Variants in STK39 observed in about 807,000 individuals in gnomAD.
The protein encoded by STK39 is STE20/SPS1-related proline-alanine-rich protein kinase.
A neutral mutation model predicts 77.8 loss-of-function variants in STK39; 20 were observed. That is an observed-to-expected ratio of 0.26 (90% CI 0.18 to 0.37). The LOEUF is 0.37. Ranked by LOEUF, STK39 falls within the 10% of genes least tolerant of loss-of-function variation. The probability of loss-of-function intolerance (pLI) is 1.00; values close to 1 mark genes in which losing one functional copy is unlikely to be tolerated. For missense variants in STK39, 479 were observed against 656.5 expected, an observed-to-expected ratio of 0.73 and a Z score of 2.95; for synonymous variants, 246 against 234.1, an observed-to-expected ratio of 1.05 and a Z score of -0.47.
intron 16 of STK39, among the ~76,000 whole-genome samples, chr2:167,988,039 G>C (rs1288653136): frequency 6.6e-6 from 1 of 152,144 alleles, no homozygotes; most frequent in Non-Finnish European, 1.5e-5. Flanking sequence ...CACACAGCTT[G>C]GGAGGGACAG....
chr2:167,986,189 A>G (rs933093457), intron 16 of STK39, among the ~76,000 whole-genome samples: 3 of 152,316 alleles, frequency 2.0e-5, no homozygotes, highest in Non-Finnish European at 2.9e-5. Context: ...CTTAATGCCA[A>G]CTACAATTGT....
intron 5 of STK39, among the ~76,000 whole-genome samples, chr2:168,158,705 C>T (rs1183025218): frequency 1.3e-5 from 2 of 152,224 alleles, no homozygotes; most frequent in Non-Finnish European, 2.9e-5. Flanking sequence ...GACTTCCCCA[C>T]TGTAATTTAG....
chr2:168,212,866 T>C (rs1317412102), intron 1 of STK39, among the ~76,000 whole-genome samples: 2 of 152,208 alleles, frequency 1.3e-5, no homozygotes, highest in Admixed American at 6.5e-5. Context: ...TATCTCTTTC[T>C]GGTCCTTTTT....
At chr2:168,032,036 T>C (rs943437838) in intron 14 of STK39, among the ~76,000 whole-genome samples, 10 of 152,304 alleles carry the variant, frequency 6.6e-5, no homozygotes, top group African/African-American at 2.4e-4. Flanking sequence ...TTGGCATAGA[T>C]ACCAGCCACC....
At chr2:168,039,686 A>C (rs1354476903) in intron 14 of STK39, among the ~76,000 whole-genome samples, 2 of 152,122 alleles carry the variant, frequency 1.3e-5, no homozygotes, top group Admixed American at 1.3e-4. Context: ...GGACACAAGG[A>C]AACTTCTCAG....
chr2:168,147,212 A>C (rs1688162199), intron 5 of STK39, among the ~76,000 whole-genome samples: 1 of 152,196 alleles, frequency 6.6e-6, no homozygotes, highest in Non-Finnish European at 1.5e-5. Context: ...ATGAAAACCT[A>C]TCTCTTTATA....
intron 10 of STK39, among the ~76,000 whole-genome samples, chr2:168,097,404 A>G (rs1158355077): frequency 6.6e-6 from 1 of 152,150 alleles, no homozygotes; most frequent in Non-Finnish European, 1.5e-5. Context: ...TGGCTCACTA[A>G]CTGGCCCATT....
Position 168,067,105 on chromosome 2 carries a change from C to T in STK39, c.1243-1724G>A, listed in dbSNP as rs111968587. On this transcript the variant is annotated intron_variant, in intron 12 of 17. Transcript: ENST00000355999. ...GGTGTGGTGGTTTGCGCCTGTAGTCCCAGCTACTTGAGAGGCTGAGGCGCA... is the reference window on the plus strand; with the variant it reads ...GGTGTGGTGGTTTGCGCCTGTAGTCTCAGCTACTTGAGAGGCTGAGGCGCA... Among the ~76,000 whole-genome samples, 614 of 152,242 alleles carry T rather than the reference C, an allele frequency of 4.0e-3. 4 individuals are homozygous for T. The highest frequency in any genetic ancestry group is 6.8e-3 in the Middle Eastern group (2 of 294).
chr2:167,970,393 T>C (rs1192439832), intron 16 of STK39, among the ~76,000 whole-genome samples: 1 of 152,192 alleles, frequency 6.6e-6, no homozygotes, highest in Non-Finnish European at 1.5e-5. Flanking sequence ...AATGAATCTT[T>C]GTGATATCAG....
At chr2:167,999,433 C>G (rs1340373218) in intron 16 of STK39, among the ~76,000 whole-genome samples, 1 of 152,122 alleles carries the variant, frequency 6.6e-6, no homozygotes, top group Non-Finnish European at 1.5e-5. Context: ...CTCAGCACCA[C>G]AGTAGATGAG....
At chr2:168,212,302 G>C (rs542665684) in intron 1 of STK39, among the ~76,000 whole-genome samples, 2 of 152,312 alleles carry the variant, frequency 1.3e-5, no homozygotes, top group Admixed American at 1.3e-4. Flanking sequence ...CTGTTCTTGA[G>C]AATGTTTCCT....
chr2:168,097,563 C>G (rs1686703240), intron 10 of STK39, among the ~76,000 whole-genome samples: 2 of 152,080 alleles, frequency 1.3e-5, no homozygotes, highest in Admixed American at 1.3e-4. Flanking sequence ...CATCTCCCCC[C>G]ACACCCCATC....
chr2:168,196,938 A>G (rs1018663932), intron 1 of STK39, among the ~76,000 whole-genome samples: 5 of 152,172 alleles, frequency 3.3e-5, no homozygotes, highest in African/African-American at 1.2e-4. Context: ...GTGGTAGGGC[A>G]GGTTGGCAGG....
chr2:168,113,872 A>T (rs1398486811), intron 10 of STK39, among the ~76,000 whole-genome samples: 1 of 152,250 alleles, frequency 6.6e-6, no homozygotes, highest in African/African-American at 2.4e-5. Flanking sequence ...TAAGGTAAAG[A>T]GAAAAGCAGG....
intron 10 of STK39, among the ~76,000 whole-genome samples, chr2:168,084,484 A>G (rs1313034331): frequency 6.6e-6 from 1 of 152,198 alleles, no homozygotes; most frequent in Non-Finnish European, 1.5e-5. Context: ...TGTTTTAAGA[A>G]GGTTGTCAGT....
intron 3 of STK39, among the ~76,000 whole-genome samples, chr2:168,166,532 C>A (rs1688697198): frequency 1.3e-5 from 2 of 152,162 alleles, no homozygotes; most frequent in South Asian, 4.1e-4. Flanking sequence ...ACATTTCTCC[C>A]CATGTCAACT....
At chr2:168,056,232 C>G (rs143914922) in intron 14 of STK39, among the ~76,000 whole-genome samples, 2 of 151,924 alleles carry the variant, frequency 1.3e-5, no homozygotes, top group African/African-American at 2.4e-5. Context: ...TGGAGAAATA[C>G]ACTACCTGTA....
chr2:168,090,354 C>T (rs1686486443), intron 10 of STK39, among the ~76,000 whole-genome samples: 1 of 152,232 alleles, frequency 6.6e-6, no homozygotes, highest in Non-Finnish European at 1.5e-5. Flanking sequence ...CTTGCCAGAG[C>T]AAACCTGCAC....
intron 15 of STK39, 96 bp from the exon 16 acceptor site, chr2:168,012,798 C>T (rs764825174): frequency 3.4e-5 from 34 of 987,354 alleles, no homozygotes; most frequent in South Asian, 5.0e-5. Context: ...TTACTAAAAT[C>T]GCCCATGAGT....
Sources: allele counts gnomAD v4.1 joint callset (sites outside exome capture counted in the v4.1 genomes callset), GRCh38; gene constraint gnomAD v4.1.1; transcripts MANE v1.5; gene names NCBI Gene and HGNC (gene_info 2026-07-23, HGNC 2026-07-21).